GRM7: variants seen among roughly 807,000 people sequenced by gnomAD.
GRM7 encodes the protein glutamate metabotropic receptor 7, also known as metabotropic glutamate receptor 7.
GRM7 carries 35 observed loss-of-function variants against 84.5 expected under a neutral mutation model. The observed-to-expected ratio is 0.41, with a 90% confidence interval of 0.32 to 0.55. GRM7 has a LOEUF of 0.55. Among genes scored for constraint, GRM7 ranks in the 20% least tolerant of loss-of-function variants. The pLI is 0.19. For synonymous variants in GRM7, 487 were observed against 455.1 expected (o/e 1.07, Z -0.89); for missense variants, 1,003 against 1,194.6 (o/e 0.84, Z 2.36).
At chr3:7,640,132 C>T (rs954025098) in intron 8 of GRM7, among the ~76,000 whole-genome samples, 5 of 152,156 alleles carry the variant, frequency 3.3e-5, no homozygotes, top group African/African-American at 1.2e-4. Flanking sequence ...TTCCTATCCG[C>T]CACAATGCCC....
chr3:7,312,554 G>T (rs1192181886), intron 4 of GRM7, among the ~76,000 whole-genome samples: 1 of 152,164 alleles, frequency 6.6e-6, no homozygotes, highest in Non-Finnish European at 1.5e-5. Flanking sequence ...CAAGGAGACT[G>T]TGGATTTGTC....
At chr3:7,561,285 G>A (rs1285905305) in intron 7 of GRM7, 1 of 230,434 alleles carries the variant, frequency 4.3e-6, no homozygotes, top group Non-Finnish European at 9.0e-6. Flanking sequence ...AGGACCAACT[G>A]GGTCACACTT....
intron 1 of GRM7, among the ~76,000 whole-genome samples, chr3:7,022,014 T>C (rs937526289): frequency 1.3e-5 from 2 of 152,012 alleles, no homozygotes; most frequent in African/African-American, 4.8e-5. Flanking sequence ...AAGAAGACTA[T>C]AAAATAGACA....
chr3:7,414,873 C>T, intron 4 of GRM7, 150 bp from the exon 5 acceptor site: 2 of 560,722 alleles, frequency 3.6e-6, no homozygotes, highest in Non-Finnish European at 3.1e-6. Flanking sequence ...GAATATTTTT[C>T]CTCCTTCTGT....
At chr3:7,582,158 T>A (rs907625660) in intron 8 of GRM7, among the ~76,000 whole-genome samples, 1 of 152,230 alleles carries the variant, frequency 6.6e-6, no homozygotes, top group Non-Finnish European at 1.5e-5. Context: ...TATTTTGTTC[T>A]GGCACTATCT....
chr3:7,161,356 A>C (rs535604576), intron 2 of GRM7, among the ~76,000 whole-genome samples: 1 of 152,150 alleles, frequency 6.6e-6, no homozygotes, highest in East Asian at 1.9e-4. Context: ...GGCATGGGTC[A>C]AATCGCTAGT....
At chr3:6,956,413 C>T (rs1204311545) in intron 1 of GRM7, among the ~76,000 whole-genome samples, 1 of 152,146 alleles carries the variant, frequency 6.6e-6, no homozygotes, top group Non-Finnish European at 1.5e-5. Flanking sequence ...ACAGAGAAGC[C>T]CTGCTCCTCT....
chr3:7,416,004 T>C (rs528443324), intron 5 of GRM7, among the ~76,000 whole-genome samples: 40 of 152,060 alleles, frequency 2.6e-4, no homozygotes, highest in Non-Finnish European at 5.1e-4. Flanking sequence ...CAAGATAAAA[T>C]GAAGAAATGG....
chr3:7,167,964 A>C (rs1694856329), intron 2 of GRM7, among the ~76,000 whole-genome samples: 1 of 109,310 alleles, frequency 9.1e-6, no homozygotes, highest in African/African-American at 3.8e-5. Flanking sequence ...ACTGAGCGAG[A>C]CTCTGTCTCA....
intron 1 of GRM7, among the ~76,000 whole-genome samples, chr3:7,022,104 A>G (rs559915529): frequency 6.6e-6 from 1 of 152,214 alleles, no homozygotes; most frequent in East Asian, 1.9e-4. Context: ...AGTTGGGAGA[A>G]TTGCTTGAGC....
At chr3:7,457,777 T>G (rs1698078925) in intron 6 of GRM7, among the ~76,000 whole-genome samples, 1 of 152,152 alleles carries the variant, frequency 6.6e-6, no homozygotes. Context: ...GGAAGAAGCT[T>G]AGATGCCCCA....
chr3:7,102,991 T>C (rs897925446), intron 1 of GRM7, among the ~76,000 whole-genome samples: 7 of 151,804 alleles, frequency 4.6e-5, no homozygotes, highest in African/African-American at 1.7e-4. Flanking sequence ...AATATATTTA[T>C]AATACCTGCT....
rs79619068 is a variant in GRM7 at position 7,598,803 on chromosome 3, A to G, written c.2451+19446A>G. Among the ~76,000 whole-genome samples the G allele has an allele frequency of 7.3e-3, 1,116 of 152,276 alleles. 34 individuals are homozygous for G. In the East Asian group the frequency reaches 0.098, roughly 13 times the overall value. ...GATGAAAAAATAAGTGTTTGCGTCA[A>G]TAGTGAAATAATCAGTAATTGACTT... On this transcript the variant is annotated intron_variant, in intron 8 of 9. Coordinates refer to ENST00000357716, the MANE Select transcript of GRM7 (RefSeq NM_000844.4).
At chr3:7,260,603 T>C (rs1204482846) in intron 2 of GRM7, among the ~76,000 whole-genome samples, 1 of 152,094 alleles carries the variant, frequency 6.6e-6, no homozygotes, top group Non-Finnish European at 1.5e-5. Flanking sequence ...TTCTTCTTTA[T>C]TAGTCTAGCT....
chr3:7,442,375 T>A (rs1697325060), intron 5 of GRM7, among the ~76,000 whole-genome samples: 1 of 152,136 alleles, frequency 6.6e-6, no homozygotes, highest in Non-Finnish European at 1.5e-5. Context: ...AGACTATGGG[T>A]CTTATAGGAA....
chr3:7,715,284 A>AC (rs150907521), intron 9 of GRM7, among the ~76,000 whole-genome samples: 2,171 of 152,164 alleles, frequency 0.014, 52 homozygotes, highest in African/African-American at 0.05. Context: ...ACATAGCAAG[A>AC]CCCCATCTCT....
At chr3:6,916,768 A>G (rs1456824256) in intron 1 of GRM7, among the ~76,000 whole-genome samples, 2 of 152,210 alleles carry the variant, frequency 1.3e-5, no homozygotes, top group Non-Finnish European at 2.9e-5. Flanking sequence ...ACAAGCATTC[A>G]GATCATAGCA....
chr3:7,044,535 G>GA (rs1468395298), intron 1 of GRM7, among the ~76,000 whole-genome samples: 1 of 152,112 alleles, frequency 6.6e-6, no homozygotes, highest in East Asian at 1.9e-4. Context: ...CTACTTATTA[G>GA]ATGGTTCTTT....
At chr3:7,562,703 A>C (rs528565824) in intron 7 of GRM7, among the ~76,000 whole-genome samples, 1 of 152,276 alleles carries the variant, frequency 6.6e-6, no homozygotes, top group South Asian at 2.1e-4. Context: ...TTACAGGAAA[A>C]AAAAGAATGG....
Sources: allele counts gnomAD v4.1 joint callset (sites outside exome capture counted in the v4.1 genomes callset), GRCh38; gene constraint gnomAD v4.1.1; transcripts MANE v1.5; gene names NCBI Gene and HGNC (gene_info 2026-07-23, HGNC 2026-07-21).